The following SLC38A9 variants were observed in gnomAD, a reference collection of about 807,000 sequenced individuals.
The protein encoded by SLC38A9 is neutral amino acid transporter 9.
SLC38A9 carries 48 observed loss-of-function variants against 62.3 expected under a neutral mutation model. The ratio of observed to expected loss-of-function variants is 0.77; its 90% CI spans 0.61 to 0.98. The LOEUF (loss-of-function observed/expected upper bound fraction) is 0.98, where lower values mean the gene tolerates loss of function less well. SLC38A9 is among the 50% of genes least tolerant of loss of function. The pLI, the probability that SLC38A9 is intolerant of heterozygous loss-of-function variation, is 0.00. For missense variants in SLC38A9, 541 were observed against 679.8 expected (o/e 0.80, Z 2.27); for synonymous variants, 204 against 227.7 (o/e 0.90, Z 0.94).
At chr5:55,703,413 ATAAG>A (rs1047454360) in intron 2 of SLC38A9, among the ~76,000 whole-genome samples, 1 of 152,204 alleles carries the variant, frequency 6.6e-6, no homozygotes, top group Non-Finnish European at 1.5e-5. Flanking sequence ...GATAAAAAGA[ATAAG>A]TAAGTTGACT....
Position 55,697,965 on chromosome 5 carries a change from C to G in SLC38A9, c.-7G>C, listed in dbSNP as rs761685842. 2 of 1,504,840 alleles carry G rather than the reference C, an allele frequency of 1.3e-6. No individual in the cohort carries two copies. Among genetic ancestry groups the G allele is most frequent in the South Asian group, 2.4e-5 (2 of 83,764 alleles). 93.2% of individuals were successfully genotyped at this position (1,504,840 alleles called of 1,614,324 possible). On this transcript the variant is annotated 5_prime_UTR_variant, in exon 3 of 16. Transcript: ENST00000396865. ...CACTATTCATATTTGCCATTTTTCTCACACTCTAAGCACTGAAGAAGTTAG... is the reference window on the plus strand; with the variant it reads ...CACTATTCATATTTGCCATTTTTCTGACACTCTAAGCACTGAAGAAGTTAG...
Position 55,688,380 on chromosome 5 carries a change from C to CTTTT in SLC38A9, c.113+9462_113+9465dup, listed in dbSNP as rs767493953. 1.2e-3 allele frequency among the ~76,000 whole-genome samples: 143 copies of CTTTT among 123,250 alleles called. 3 individuals are homozygous for CTTTT. Among genetic ancestry groups the CTTTT allele is most frequent in the African/African-American group, 1.6e-3 (54 of 32,762 alleles). 80.9% of individuals were successfully genotyped at this position (123,250 alleles called of 152,430 possible). A position where few individuals can be genotyped will look rare whatever the true frequency, so the allele number is the denominator to read the frequency against. On this transcript the variant is annotated intron_variant, in intron 3 of 15. Coordinates refer to ENST00000396865, the MANE Select transcript of SLC38A9 (RefSeq NM_173514.4). ...CAATGTATGAATTAGGGCATAATCT[C>CTTTT]TTTTTTTTTTTTTTTTTTTAAGACA...
chr5:55,697,081 G>T (rs1345880281), intron 3 of SLC38A9: 1 of 153,566 alleles, frequency 6.5e-6, no homozygotes, highest in Non-Finnish European at 1.4e-5. Context: ...TTCCAGACTG[G>T]GCAGCCAGGC....
At chr5:55,683,027 G>T (rs1415488122) in intron 3 of SLC38A9, among the ~76,000 whole-genome samples, 1 of 151,834 alleles carries the variant, frequency 6.6e-6, no homozygotes, top group Non-Finnish European at 1.5e-5. Flanking sequence ...TGGGGAAGAA[G>T]AGAAGAAGAG....
intron 3 of SLC38A9, among the ~76,000 whole-genome samples, chr5:55,682,143 T>C (rs896277303): frequency 1.5e-5 from 2 of 134,544 alleles, no homozygotes; most frequent in African/African-American, 2.7e-5. Flanking sequence ...AGGGAGCATC[T>C]GAATAGGTTT....
intron 14 of SLC38A9, among the ~76,000 whole-genome samples, chr5:55,628,326 G>A (rs1030134998): frequency 2.0e-5 from 3 of 152,078 alleles, no homozygotes; most frequent in Admixed American, 6.5e-5. Flanking sequence ...TGAAAAAACA[G>A]AAGAATCCTG....
chr5:55,640,817 G>A (rs1165680831), intron 12 of SLC38A9, among the ~76,000 whole-genome samples: 1 of 152,122 alleles, frequency 6.6e-6, no homozygotes, highest in East Asian at 1.9e-4. Context: ...AATGTATAGG[G>A]AAATGAAGAA....
intron 3 of SLC38A9, among the ~76,000 whole-genome samples, chr5:55,683,415 A>T (rs562176703): frequency 6.6e-6 from 1 of 152,312 alleles, no homozygotes; most frequent in South Asian, 2.1e-4. Context: ...TTTTGTATAT[A>T]CCATTTTTAT....
chr5:55,644,035 A>G (rs1270425199), intron 12 of SLC38A9, among the ~76,000 whole-genome samples: 1 of 152,122 alleles, frequency 6.6e-6, no homozygotes, highest in African/African-American at 2.4e-5. Flanking sequence ...ATCTCTGCTC[A>G]CTGCAACCTC....
intron 15 of SLC38A9, 79 bp downstream of exon 15, chr5:55,627,812 A>G: frequency 1.1e-6 from 1 of 882,074 alleles, no homozygotes; most frequent in Non-Finnish European, 1.8e-6. Flanking sequence ...CAATTAAATT[A>G]AAACAACAAC....
At chr5:55,659,164 A>G (rs1400531219) in intron 8 of SLC38A9, among the ~76,000 whole-genome samples, 1 of 152,020 alleles carries the variant, frequency 6.6e-6, no homozygotes, top group Non-Finnish European at 1.5e-5. Flanking sequence ...AATAAACATA[A>G]TATTTGTGAA....
chr5:55,672,127 C>T (rs1751429378), intron 4 of SLC38A9, among the ~76,000 whole-genome samples: 1 of 152,154 alleles, frequency 6.6e-6, no homozygotes, highest in Non-Finnish European at 1.5e-5. Flanking sequence ...GCTGAGATTA[C>T]AGGAGTGAGT....
intron 13 of SLC38A9, chr5:55,634,697 T>TC (rs1282592505): frequency 6.6e-6 from 1 of 152,164 alleles, no homozygotes; most frequent in Non-Finnish European, 1.5e-5. Flanking sequence ...CAAACTTATT[T>TC]CTCTTATAAA....
intron 3 of SLC38A9, among the ~76,000 whole-genome samples, chr5:55,676,960 C>A (rs1354608251): frequency 1.3e-5 from 2 of 152,108 alleles, no homozygotes; most frequent in African/African-American, 4.8e-5. Flanking sequence ...TAAAAACTCC[C>A]ATCTGCAATT....
chr5:55,628,861 C>T (rs1390254840), intron 14 of SLC38A9, among the ~76,000 whole-genome samples: 2 of 152,166 alleles, frequency 1.3e-5, no homozygotes, highest in Admixed American at 1.3e-4. Flanking sequence ...GAAGAAAGAA[C>T]TCCATTTCCC....
chr5:55,655,031 G>A (rs1263041105), intron 9 of SLC38A9, among the ~76,000 whole-genome samples: 1 of 151,890 alleles, frequency 6.6e-6, no homozygotes, highest in African/African-American at 2.4e-5. Context: ...GTAGAGACAG[G>A]GTCTTGCTAT....
At chr5:55,667,029 T>C (rs1750590638) in intron 7 of SLC38A9, among the ~76,000 whole-genome samples, 2 of 147,008 alleles carry the variant, frequency 1.4e-5, no homozygotes, top group Non-Finnish European at 3.0e-5. Context: ...AAAATAAAAA[T>C]ACAAAAAATA....
chr5:55,628,488 T>C (rs1272011759), intron 14 of SLC38A9, among the ~76,000 whole-genome samples: 1 of 151,944 alleles, frequency 6.6e-6, no homozygotes, highest in Non-Finnish European at 1.5e-5. Context: ...CCAAAAACAT[T>C]TGGAAAAAAA....
At chr5:55,636,985 C>T (rs1744507695) in intron 12 of SLC38A9, among the ~76,000 whole-genome samples, 1 of 152,154 alleles carries the variant, frequency 6.6e-6, no homozygotes, top group Non-Finnish European at 1.5e-5. Context: ...CTAGGGTTGC[C>T]TCATGATCTT....
Sources: gnomAD v4.1 joint callset for allele counts (sites outside exome capture counted in the v4.1 genomes callset) on GRCh38, gnomAD v4.1.1 for gene constraint, MANE v1.5 for transcripts, NCBI Gene and HGNC (gene_info 2026-07-23, HGNC 2026-07-21) for gene names.